The following MALRD1 variants were observed in gnomAD, a reference collection of about 807,000 sequenced individuals.
The protein encoded by MALRD1 is MAM and LDL-receptor class A domain-containing protein 1.
In MALRD1, 247 loss-of-function variants were observed where a neutral mutation model predicts 242.1. The ratio of observed to expected loss-of-function variants is 1.02; its 90% CI spans 0.92 to 1.13. The LOEUF (loss-of-function observed/expected upper bound fraction) is 1.13. Among genes scored for constraint, MALRD1 ranks in the 50% most tolerant of loss-of-function variants. The pLI is 0.00. For synonymous variants in MALRD1, 995 were observed against 866.6 expected (o/e 1.15, Z -2.60); for missense variants, 2,989 against 2,533.1 (o/e 1.18, Z -3.86).
intron 18 of MALRD1, among the ~76,000 whole-genome samples, chr10:19,219,458 A>G (rs1333425832): frequency 6.6e-6 from 1 of 152,052 alleles, no homozygotes; most frequent in East Asian, 1.9e-4. Flanking sequence ...TTTTTTGAAG[A>G]CAAGTTCTCA....
chr10:19,513,092 T>A (rs949966225), intron 31 of MALRD1, among the ~76,000 whole-genome samples: 8 of 152,160 alleles, frequency 5.3e-5, no homozygotes, highest in Admixed American at 5.2e-4. Context: ...ATATATGATA[T>A]GGTTTGTATA....
intron 32 of MALRD1, among the ~76,000 whole-genome samples, chr10:19,558,508 C>A (rs916168564): frequency 6.6e-6 from 1 of 152,016 alleles, no homozygotes; most frequent in African/African-American, 2.4e-5. Context: ...AATGTTTATT[C>A]TGTAGCTTGT....
intron 32 of MALRD1, among the ~76,000 whole-genome samples, chr10:19,534,322 G>T (rs1834554478): frequency 6.6e-6 from 1 of 152,160 alleles, no homozygotes; most frequent in South Asian, 2.1e-4. Flanking sequence ...ACCTTCCTAA[G>T]CATGCAGTAA....
chr10:19,534,761 CAATT>C (rs1331026152), intron 32 of MALRD1, among the ~76,000 whole-genome samples: 4 of 151,890 alleles, frequency 2.6e-5, no homozygotes, highest in Non-Finnish European at 5.9e-5. Context: ...AATATTTTGA[CAATT>C]AAAAAATTTA....
intron 18 of MALRD1, among the ~76,000 whole-genome samples, chr10:19,211,721 T>C (rs1368858680): frequency 1.6e-5 from 2 of 123,518 alleles, no homozygotes; most frequent in Non-Finnish European, 3.3e-5. Flanking sequence ...AAAAAAAAGG[T>C]TGGGCAGGGT....
chr10:19,310,885 G>A (rs1842398331), intron 21 of MALRD1, among the ~76,000 whole-genome samples: 1 of 151,364 alleles, frequency 6.6e-6, no homozygotes, highest in Non-Finnish European at 1.5e-5. Flanking sequence ...AATACCATCA[G>A]TATTAATTCA....
chr10:19,148,781 AAAAAAAAAT>A (rs1296574859), intron 11 of MALRD1, among the ~76,000 whole-genome samples: 5 of 87,096 alleles, frequency 5.7e-5, no homozygotes, highest in Admixed American at 1.5e-4. Flanking sequence ...ATTAAAAAAA[AAAAAAAAAT>A]ATATATATAT....
intron 28 of MALRD1, among the ~76,000 whole-genome samples, chr10:19,417,224 C>T (rs1833544686): frequency 6.6e-6 from 1 of 152,144 alleles, no homozygotes; most frequent in Non-Finnish European, 1.5e-5. Flanking sequence ...TGTATCCTTT[C>T]ATATAGCTAT....
intron 18 of MALRD1, among the ~76,000 whole-genome samples, chr10:19,250,989 C>G (rs1386211706): frequency 6.6e-6 from 1 of 151,878 alleles, no homozygotes; most frequent in Non-Finnish European, 1.5e-5. Context: ...GCCCTCAACA[C>G]AGCAGAGGCC....
In MALRD1 at chr10:19,489,052, G is replaced by A. The variant is rs114167223; in HGVS notation, c.5030-2465G>A. On this transcript the variant is annotated intron_variant, in intron 29 of 39. Transcript: ENST00000454679. ...GGTCTCAGCAGCTCGGAGGGTGGAG[G>A]GGCGGCAGCGCCAGGCACCGCGCAC... 7.3e-3 allele frequency: 3,347 copies of A among 457,910 alleles called. 86 individuals carry two copies. Among genetic ancestry groups the A allele is most frequent in the African/African-American group, 0.061 (3,055 of 50,184 alleles). 28.4% of individuals were successfully genotyped at this position (457,910 alleles called of 1,614,324 possible).
chr10:19,451,408 A>G (rs1013160543), intron 29 of MALRD1, among the ~76,000 whole-genome samples: 6 of 152,214 alleles, frequency 3.9e-5, no homozygotes, highest in Non-Finnish European at 7.3e-5. Flanking sequence ...AACTACACTT[A>G]GATTCTCTTT....
chr10:19,050,098 T>C (rs1461453933), intron 1 of MALRD1, among the ~76,000 whole-genome samples: 3 of 145,932 alleles, frequency 2.1e-5, no homozygotes, highest in Admixed American at 6.8e-5. Flanking sequence ...TTTTTTTTTT[T>C]TTTTTTTGAG....
At chr10:19,599,743 T>G (rs1233059860) in intron 34 of MALRD1, among the ~76,000 whole-genome samples, 1 of 151,116 alleles carries the variant, frequency 6.6e-6, no homozygotes, top group Non-Finnish European at 1.5e-5. Flanking sequence ...GACCAAAGAG[T>G]GTGAGAGGAG....
chr10:19,258,122 C>T (rs1839599194), intron 19 of MALRD1, among the ~76,000 whole-genome samples: 2 of 152,200 alleles, frequency 1.3e-5, no homozygotes, highest in South Asian at 2.1e-4. Flanking sequence ...ATTAACCTCT[C>T]GGATTACTCT....
chr10:19,146,067 A>C, intron 10 of MALRD1, 131 bp from the exon 11 acceptor site: 1 of 608,022 alleles, frequency 1.6e-6, no homozygotes, highest in South Asian at 8.9e-5. Context: ...AGCTATTCCG[A>C]TCATTAGAGA....
chr10:19,273,853 A>G lies in MALRD1; in HGVS notation c.3080-6194A>G, dbSNP rs534911475. Among the ~76,000 whole-genome samples the G allele has an allele frequency of 6.6e-5, 10 of 152,288 alleles. No individual in the cohort carries two copies. The East Asian group carries it at 1.5e-3, about 24-fold the overall frequency. ...TTGGGGTTGATGAAAACAAAAAGAT[A>G]TGCCAGTGTCCAACAAGCATAGGAA... is the stretch of plus-strand genomic sequence containing the variant. On this transcript the variant is annotated intron_variant, in intron 19 of 39. Coordinates refer to ENST00000454679, the MANE Select transcript of MALRD1 (RefSeq NM_001142308.3).
At chr10:19,063,092 G>GGTCAAGA (rs1317256216) in intron 1 of MALRD1, among the ~76,000 whole-genome samples, 7 of 151,850 alleles carry the variant, frequency 4.6e-5, no homozygotes, top group African/African-American at 7.3e-5. Context: ...ACCACAATGA[G>GGTCAAGA]CCATGATTGC....
intron 28 of MALRD1, among the ~76,000 whole-genome samples, chr10:19,400,277 G>T (rs1418948943): frequency 6.6e-6 from 1 of 152,144 alleles, no homozygotes; most frequent in Non-Finnish European, 1.5e-5. Context: ...TCCTTTTCCT[G>T]AAAAGGTAGT....
intron 32 of MALRD1, among the ~76,000 whole-genome samples, chr10:19,533,549 G>A (rs115142498): frequency 0.07 from 10,659 of 152,192 alleles, 1,071 homozygotes; most frequent in African/African-American, 0.22. Context: ...TGTACAGGAA[G>A]CATGGCACTG....
Sources: gnomAD v4.1 joint callset for allele counts (sites outside exome capture counted in the v4.1 genomes callset) on GRCh38, gnomAD v4.1.1 for gene constraint, MANE v1.5 for transcripts, NCBI Gene and HGNC (gene_info 2026-07-23, HGNC 2026-07-21) for gene names.